SLC25A12: variants seen among roughly 807,000 people sequenced by gnomAD.
SLC25A12 encodes the protein solute carrier family 25 member 12.
Under a neutral mutation model 83.3 loss-of-function variants are expected in SLC25A12, and 32 were observed. The observed-to-expected ratio is 0.38, with a 90% CI of 0.29 to 0.52. The LOEUF (loss-of-function observed/expected upper bound fraction) is 0.52. SLC25A12 is among the 20% of genes least tolerant of loss of function. The probability of loss-of-function intolerance (pLI) is 0.84; values close to 1 mark genes in which losing one functional copy is unlikely to be tolerated. For missense variants in SLC25A12, 611 were observed against 835.6 expected (o/e 0.73, Z 3.31); for synonymous variants, 267 against 291.1 (o/e 0.92, Z 0.84).
chr2:171,785,214 G>T lies in SLC25A12; in HGVS notation c.*60C>A. On this transcript the variant is annotated 3_prime_UTR_variant, in exon 18 of 18. Transcript: ENST00000422440. ...TGCAGCTGACTGGATACATTACAGGGCTGCTCTCCTAGGCCTCTTTCTTCA... is the reference window on the plus strand; with the variant it reads ...TGCAGCTGACTGGATACATTACAGGTCTGCTCTCCTAGGCCTCTTTCTTCA... The T allele has an allele frequency of 6.7e-7, 1 of 1,490,488 alleles. No homozygotes were observed. The highest frequency in any genetic ancestry group is 9.4e-7 in the Non-Finnish European group (1 of 1,068,998). The allele number at this position is 1,490,488 out of a possible 1,614,324, so 92.3% of individuals were successfully genotyped here. A position where few individuals can be genotyped will look rare whatever the true frequency, so the allele number is the denominator to read the frequency against.
At chr2:171,845,335 G>T (rs1201310482) in intron 4 of SLC25A12, among the ~76,000 whole-genome samples, 1 of 151,670 alleles carries the variant, frequency 6.6e-6, no homozygotes, top group Admixed American at 6.6e-5. Flanking sequence ...CAAATGACTG[G>T]TACTTTAACA....
At chr2:171,815,047 C>T in intron 10 of SLC25A12, 74 bp downstream of exon 10, 1 of 1,222,882 alleles carries the variant, frequency 8.2e-7, no homozygotes, top group Non-Finnish European at 1.2e-6. Context: ...TGCACCTTTG[C>T]TGATCTGCCT....
intron 3 of SLC25A12, among the ~76,000 whole-genome samples, chr2:171,867,479 G>A (rs988311168): frequency 1.3e-5 from 2 of 152,166 alleles, no homozygotes; most frequent in Admixed American, 6.5e-5. Context: ...AAAAAAATAC[G>A]AAAACCAGTC....
At chr2:171,880,131 T>C (rs1215900665) in intron 2 of SLC25A12, among the ~76,000 whole-genome samples, 1 of 152,178 alleles carries the variant, frequency 6.6e-6, no homozygotes, top group Non-Finnish European at 1.5e-5. Flanking sequence ...GTGGCTGTAA[T>C]ACAGATGAAG....
chr2:171,785,440 C>G lies in SLC25A12; in HGVS notation c.1871G>C (p.Arg624Pro). The G allele has an allele frequency of 6.2e-7, 1 of 1,614,160 alleles. No homozygotes were observed. The highest frequency in any genetic ancestry group is 8.5e-7 in the Non-Finnish European group (1 of 1,180,040). ...PAGSEPTPKS[R>P]IADLPPANPD... ...GTTGGCAGGAGGAAGGTCTGCAATG[C>G]GTGACTTAGGTGTTGGTTCTGAACC... The change falls in exon 18 of 18, where the codon CGC (arginine) becomes CCC (proline). Residue 624 changes from arginine to proline, a missense_variant. Physicochemically the swap from Arg to Pro is moderately radical, Grantham distance 103 (BLOSUM62 -2). This residue lies in a region of SLC25A12 where 540 missense variants were observed against 777.5 expected (regional missense o/e 0.69). Transcript: ENST00000422440.
intron 2 of SLC25A12, among the ~76,000 whole-genome samples, chr2:171,889,565 C>A (rs1685888815): frequency 6.6e-6 from 1 of 152,326 alleles, no homozygotes; most frequent in East Asian, 1.9e-4. Context: ...ACTCAGAAAC[C>A]CACAGTGGCT....
chr2:171,789,145 G>A (rs1320663068), intron 15 of SLC25A12, among the ~76,000 whole-genome samples: 2 of 152,162 alleles, frequency 1.3e-5, no homozygotes, highest in African/African-American at 4.8e-5. Context: ...AAGTGTGGTG[G>A]TTCACGCTTG....
intron 11 of SLC25A12, 125 bp downstream of exon 11, chr2:171,813,212 TAA>T (rs1368778294): frequency 4.3e-6 from 4 of 924,092 alleles, no homozygotes; most frequent in East Asian, 2.5e-5. Context: ...AAAGAGAAAA[TAA>T]AAAGAGAGAA....
intron 3 of SLC25A12, among the ~76,000 whole-genome samples, chr2:171,856,351 G>A (rs1685044736): frequency 6.6e-6 from 1 of 152,150 alleles, no homozygotes; most frequent in East Asian, 1.9e-4. Flanking sequence ...CTACCCACTA[G>A]ATGCCAATAG....
At chr2:171,838,517 TTTC>T (rs887524955) in intron 5 of SLC25A12, among the ~76,000 whole-genome samples, 2 of 152,210 alleles carry the variant, frequency 1.3e-5, no homozygotes, top group Non-Finnish European at 2.9e-5. Flanking sequence ...TTTCTATCTC[TTTC>T]TTATGTCTTT....
Position 171,809,663 on chromosome 2 carries a change from T to C in SLC25A12, c.1248A>G (p.Lys416=). 6.2e-7 allele frequency: 1 copy of C among 1,613,990 alleles called. No individual in the cohort carries two copies. Among genetic ancestry groups the C allele is most frequent in the South Asian group, 1.1e-5 (1 of 91,084 alleles). The part of the protein sequence containing the change: ...KLTVNDFVRD[K]FTRRDGSVPL... ...GAACAGAGCCATCTCTTCTGGTAAATTTGTCCCGAACAAAATCATTAACCT... is the reference window on the plus strand; with the variant it reads ...GAACAGAGCCATCTCTTCTGGTAAACTTGTCCCGAACAAAATCATTAACCT... Residue 416 remains lysine, a synonymous_variant, in exon 13 of 18, where the codon AAA becomes AAG. Coordinates refer to ENST00000422440, the MANE Select transcript of SLC25A12 (RefSeq NM_003705.5).
intron 8 of SLC25A12, among the ~76,000 whole-genome samples, chr2:171,827,466 T>C (rs1010350910): frequency 1.3e-5 from 2 of 152,064 alleles, no homozygotes; most frequent in Non-Finnish European, 2.9e-5. Context: ...CTCTGATTGG[T>C]TGTAGGCTGA....
chr2:171,854,806 A>G (rs1337586404), intron 4 of SLC25A12, among the ~76,000 whole-genome samples: 1 of 152,202 alleles, frequency 6.6e-6, no homozygotes, highest in East Asian at 1.9e-4. Flanking sequence ...AAGGACATCT[A>G]TTTTATAACT....
Position 171,826,833 on chromosome 2 carries a change from C to G in SLC25A12, c.895G>C (p.Ala299Pro). ...AGTTCTGCCAGGTTGTAAGGTAAGG[C>G]CCCCTCAGCCAATGGGGCTATTCTC... Reference protein sequence around the residue: ...IERIAPLAEGALPYNLAELQR... With the variant: ...IERIAPLAEGPLPYNLAELQR... Residue 299 changes from alanine (A) to proline (P), a missense_variant, in exon 9 of 18, where the codon GCC (alanine) becomes CCC (proline). By Grantham distance (27) the Ala-to-Pro change is conservative. Coordinates refer to ENST00000422440, the MANE Select transcript of SLC25A12 (RefSeq NM_003705.5). 1 of 1,610,150 alleles carries G rather than the reference C, an allele frequency of 6.2e-7. No homozygotes were observed. Among genetic ancestry groups the G allele is most frequent in the Non-Finnish European group, 8.5e-7 (1 of 1,176,658 alleles).
intron 7 of SLC25A12, chr2:171,834,467 C>T (rs1220014222): frequency 2.0e-6 from 1 of 506,466 alleles, no homozygotes; most frequent in African/African-American, 1.9e-5. Context: ...TACAAACAAG[C>T]TGCTGCCACA....
chr2:171,807,797 T>C (rs370381393), intron 13 of SLC25A12, among the ~76,000 whole-genome samples: 1 of 152,170 alleles, frequency 6.6e-6, no homozygotes, highest in Non-Finnish European at 1.5e-5. Flanking sequence ...AAAAAAGAAA[T>C]GTAGCCAAAG....
At chr2:171,849,792 G>A (rs993640237) in intron 4 of SLC25A12, among the ~76,000 whole-genome samples, 6 of 151,774 alleles carry the variant, frequency 4.0e-5, no homozygotes, top group African/African-American at 7.3e-5. Flanking sequence ...TCCTGACCTC[G>A]TGATCCACCC....
At chr2:171,801,389 T>C (rs912982217) in intron 13 of SLC25A12, among the ~76,000 whole-genome samples, 1 of 152,204 alleles carries the variant, frequency 6.6e-6, no homozygotes, top group Admixed American at 6.5e-5. Flanking sequence ...AGGGTGACAA[T>C]AATGCATAAT....
chr2:171,883,228 C>T (rs966654247), intron 2 of SLC25A12, among the ~76,000 whole-genome samples: 1 of 152,156 alleles, frequency 6.6e-6, no homozygotes, highest in African/African-American at 2.4e-5. Flanking sequence ...AGGAAAGAGA[C>T]AAGGAACTAA....
Sources: allele counts gnomAD v4.1 joint callset (sites outside exome capture counted in the v4.1 genomes callset), GRCh38; gene constraint gnomAD v4.1.1; regional missense constraint gnomAD v4.1.1; transcripts MANE v1.5; gene names NCBI Gene and HGNC (gene_info 2026-07-23, HGNC 2026-07-21).